Variants in RBM19 observed in about 807,000 individuals in gnomAD.
The protein encoded by RBM19 is probable RNA-binding protein 19.
Under a neutral mutation model 116.8 loss-of-function variants are expected in RBM19, and 94 were observed. The ratio of observed to expected loss-of-function variants is 0.80; its 90% confidence interval spans 0.68 to 0.95. The LOEUF is 0.95. RBM19 is among the 40% of genes least tolerant of loss of function. The pLI is 0.00. For missense variants in RBM19, 1,161 were observed against 1,220.7 expected, an observed-to-expected ratio of 0.95 and a Z score of 0.73; for synonymous variants, 475 against 494.1, an observed-to-expected ratio of 0.96 and a Z score of 0.51.
intron 6 of RBM19, among the ~76,000 whole-genome samples, chr12:113,957,391 C>T (rs1427373381): frequency 2.6e-5 from 4 of 152,026 alleles, no homozygotes; most frequent in South Asian, 4.1e-4. Flanking sequence ...GCCTGGCTAA[C>T]ATGACAAAAC....
chr12:113,892,241 T>G (rs1443310362), intron 21 of RBM19, among the ~76,000 whole-genome samples: 3 of 152,328 alleles, frequency 2.0e-5, no homozygotes, highest in Middle Eastern at 3.4e-3. Context: ...GTTCTGCCAC[T>G]TAACCAGCCA....
chr12:113,819,289 T>C (rs1480638973), downstream of RBM19, among the ~76,000 whole-genome samples: 3 of 152,170 alleles, frequency 2.0e-5, no homozygotes, highest in South Asian at 2.1e-4. Flanking sequence ...GAGGCACGTG[T>C]CCTACTGACC....
chr12:113,947,603 C>T, intron 10 of RBM19, 139 bp from the exon 11 acceptor site: 1 of 887,936 alleles, frequency 1.1e-6, no homozygotes, highest in Non-Finnish European at 1.6e-6. Flanking sequence ...TCTATCCTAA[C>T]AGCAACAATA....
At chr12:113,957,520 T>C (rs1872049066) in intron 6 of RBM19, among the ~76,000 whole-genome samples, 1 of 151,940 alleles carries the variant, frequency 6.6e-6, no homozygotes, top group Admixed American at 6.6e-5. Context: ...TGAGCTGAGA[T>C]TGCACCACCG....
At chr12:113,961,636 T>C (rs928221954) in intron 2 of RBM19, among the ~76,000 whole-genome samples, 1 of 152,226 alleles carries the variant, frequency 6.6e-6, no homozygotes, top group Non-Finnish European at 1.5e-5. Flanking sequence ...GAGATGTTTT[T>C]ACGAAGTCAC....
intron 21 of RBM19, among the ~76,000 whole-genome samples, chr12:113,887,645 A>AAAG (rs1555235879): frequency 8.0e-5 from 12 of 149,974 alleles, no homozygotes; most frequent in South Asian, 2.1e-4. Context: ...AAAAAAAAAA[A>AAAG]AAAAAAGAAA....
At chr12:113,863,114 G>A (rs1005069586) in intron 21 of RBM19, among the ~76,000 whole-genome samples, 9 of 152,186 alleles carry the variant, frequency 5.9e-5, no homozygotes, top group Non-Finnish European at 1.5e-5. Flanking sequence ...CCGAGGTGTT[G>A]CATGAGGCAA....
chr12:113,843,599 T>A (rs1464650497), intron 23 of RBM19, among the ~76,000 whole-genome samples: 3 of 152,160 alleles, frequency 2.0e-5, no homozygotes, highest in African/African-American at 7.2e-5. Flanking sequence ...GCCCTTTTGC[T>A]GCCGGGCCCA....
At chr12:113,835,559 G>A (rs1163704046) in intron 23 of RBM19, among the ~76,000 whole-genome samples, 2 of 152,324 alleles carry the variant, frequency 1.3e-5, no homozygotes, top group Middle Eastern at 3.4e-3. Flanking sequence ...GGGGGCTGCC[G>A]GGACCAGGGC....
chr12:113,870,012 C>T (rs2135762870), intron 21 of RBM19, among the ~76,000 whole-genome samples: 1 of 152,322 alleles, frequency 6.6e-6, no homozygotes, highest in South Asian at 2.1e-4. Context: ...CTAGAAACCT[C>T]TGGTACTGGA....
At chr12:113,847,763 T>C (rs552718642) in intron 22 of RBM19, among the ~76,000 whole-genome samples, 1 of 152,192 alleles carries the variant, frequency 6.6e-6, no homozygotes, top group Non-Finnish European at 1.5e-5. Context: ...TCAATGTTTC[T>C]TTCTCTCCCT....
intron 21 of RBM19, among the ~76,000 whole-genome samples, chr12:113,901,144 T>C (rs1336746899): frequency 2.0e-5 from 3 of 152,226 alleles, no homozygotes; most frequent in Non-Finnish European, 4.4e-5. Flanking sequence ...GGTTCATGTA[T>C]GAACCTACTA....
At chr12:113,823,375 A>G in intron 23 of RBM19, 54 bp from the exon 24 acceptor site, 1 of 1,494,476 alleles carries the variant, frequency 6.7e-7, no homozygotes, top group Non-Finnish European at 9.2e-7. Context: ...GAGGGTTGGG[A>G]GGCAGGAAGA....
At chr12:113,921,696 C>T (rs532207863) in intron 18 of RBM19, among the ~76,000 whole-genome samples, 1 of 152,196 alleles carries the variant, frequency 6.6e-6, no homozygotes, top group African/African-American at 2.4e-5. Context: ...TTTAAATGTT[C>T]GTTCTGCAAG....
At position 113,966,229 on chromosome 12, in the gene RBM19, G is replaced by C; in HGVS notation, c.-2C>G. ...ATTCTTCACGATCAGTCGCGACATG[G>C]CGCAGGGTCCCCGCTGTTTTGATTC... On this transcript the variant is annotated 5_prime_UTR_variant, in exon 1 of 24. Transcript: ENST00000261741. The C allele has an allele frequency of 6.2e-7, 1 of 1,614,248 alleles. No individual in the cohort carries two copies. Among genetic ancestry groups the C allele is most frequent in the South Asian group, 1.1e-5 (1 of 91,088 alleles).
At chr12:113,853,342 A>G (rs1877623340) in intron 22 of RBM19, among the ~76,000 whole-genome samples, 1 of 152,206 alleles carries the variant, frequency 6.6e-6, no homozygotes, top group Non-Finnish European at 1.5e-5. Context: ...GCTCCCCCCA[A>G]GTGTTTATTT....
At chr12:113,844,893 G>A in intron 22 of RBM19, 105 bp from the exon 23 acceptor site, 1 of 1,443,972 alleles carries the variant, frequency 6.9e-7, no homozygotes, top group Non-Finnish European at 9.2e-7. Context: ...CCAAAGCCCA[G>A]GTTCTGGCCC....
At chr12:113,923,861 C>T (rs1364755153) in intron 18 of RBM19, among the ~76,000 whole-genome samples, 1 of 152,248 alleles carries the variant, frequency 6.6e-6, no homozygotes, top group Non-Finnish European at 1.5e-5. Context: ...CTGCGTCTCC[C>T]TCAGTCTTAT....
At chr12:113,885,932 A>G (rs765054243) in intron 21 of RBM19, among the ~76,000 whole-genome samples, 78 of 144,924 alleles carry the variant, frequency 5.4e-4, no homozygotes, top group Non-Finnish European at 1.0e-3. Flanking sequence ...GCAGTGGTGC[A>G]ATCTTGGCTC....
Sources: gnomAD v4.1 joint callset for allele counts (sites outside exome capture counted in the v4.1 genomes callset) on GRCh38, gnomAD v4.1.1 for gene constraint, MANE v1.5 for transcripts, NCBI Gene and HGNC (gene_info 2026-07-23, HGNC 2026-07-21) for gene names.